The following PRR33 variants were observed in gnomAD, a reference collection of about 807,000 sequenced individuals.
The protein encoded by PRR33 is proline-rich protein 33.
PRR33 carries 1 observed loss-of-function variant against 0.5 expected under a neutral mutation model. That is an observed-to-expected ratio of 2.18 (90% confidence interval 0.77 to 10.34). PRR33 has a LOEUF of 10.34. Among genes scored for constraint, PRR33 ranks in the 30% most tolerant of loss-of-function variants. The probability of loss-of-function intolerance (pLI) is 0.13; values close to 1 mark genes in which losing one functional copy is unlikely to be tolerated. For missense variants in PRR33, 552 were observed against 251.8 expected, an observed-to-expected ratio of 2.19 and a Z score of -8.07; for synonymous variants, 226 against 110.0, an observed-to-expected ratio of 2.06 and a Z score of -6.60.
rs1032629958 is a variant in PRR33, at chr11:1,890,802, A to C, written c.-218T>G. The C allele has an allele frequency of 1.7e-5, 10 of 583,082 alleles. No homozygotes were observed. The highest frequency in any genetic ancestry group is 6.0e-5 in the Admixed American group (2 of 33,364). The allele number at this position is 583,082 out of a possible 1,614,324, so 36.1% of individuals were successfully genotyped here. On this transcript the variant is annotated 5_prime_UTR_variant, in exon 1 of 1. It adds an upstream start codon to the 5' untranslated region. Coordinates refer to ENST00000640310, the Ensembl canonical transcript of PRR33. ...GGCCCCACCATCACCCTAGTGTAGA[A>C]ATGAGGCCACAGAGGCCGAGTCCCT...
chr11:1,916,059 G>A, the PRR33 span, among the ~76,000 whole-genome samples: 2 of 151,856 alleles, frequency 1.3e-5, no homozygotes, highest in Non-Finnish European at 2.9e-5. Context: ...GAGGGAGGAA[G>A]GAAGGAAAGG....
chr11:1,889,324 T>C (rs1480634948), exon 1 of PRR33: 3 of 709,694 alleles, frequency 4.2e-6, no homozygotes, highest in Non-Finnish European at 7.8e-6. Flanking sequence ...TCCCCACCGC[T>C]GGGCCCTGCC....
chr11:1,902,597 C>G, the PRR33 span: 1 of 151,910 alleles, frequency 6.6e-6, no homozygotes, highest in Non-Finnish European at 1.5e-5. Context: ...CAGGGTGTTG[C>G]TCTGTCACCC....
chr11:1,907,562 C>G, the PRR33 span, among the ~76,000 whole-genome samples: 1 of 152,168 alleles, frequency 6.6e-6, no homozygotes, highest in African/African-American at 2.4e-5. Flanking sequence ...CAGACTCCCG[C>G]CACCATGCCC....
the PRR33 span, among the ~76,000 whole-genome samples, chr11:1,900,367 T>C: frequency 6.6e-6 from 1 of 152,216 alleles, no homozygotes; most frequent in African/African-American, 2.4e-5. Flanking sequence ...GTTTTCTTGG[T>C]ATTCAATTAA....
the PRR33 span, among the ~76,000 whole-genome samples, chr11:1,900,177 A>G: frequency 3.9e-5 from 6 of 152,150 alleles, no homozygotes; most frequent in African/African-American, 1.4e-4. Context: ...CCATGTGTCC[A>G]TGCTTGATGC....
chr11:1,910,951 A>G, the PRR33 span, among the ~76,000 whole-genome samples: 3 of 152,130 alleles, frequency 2.0e-5, no homozygotes, highest in Non-Finnish European at 4.4e-5. Context: ...CCTTCTTTTT[A>G]GATAGTGAAA....
At chr11:1,895,136 T>C (rs1428796726), upstream of PRR33, among the ~76,000 whole-genome samples, 1 of 152,138 alleles carries the variant, frequency 6.6e-6, no homozygotes, top group Non-Finnish European at 1.5e-5. Context: ...AGTTCTTTCT[T>C]TCTTTTTTTT....
the PRR33 span, among the ~76,000 whole-genome samples, chr11:1,896,960 C>G: frequency 6.6e-6 from 1 of 152,180 alleles, no homozygotes; most frequent in Non-Finnish European, 1.5e-5. Flanking sequence ...GGGGCAGCCC[C>G]CAAACCAAAA....
the PRR33 span, among the ~76,000 whole-genome samples, chr11:1,916,423 C>T: frequency 3.1e-4 from 47 of 152,230 alleles, no homozygotes; most frequent in South Asian, 8.3e-3. Flanking sequence ...TGACGTGCCC[C>T]CATCCTTTCT....
At chr11:1,890,729 C>T in exon 1 of PRR33, 1 of 604,906 alleles carries the variant, frequency 1.7e-6, no homozygotes, top group Non-Finnish European at 2.9e-6. Context: ...GCACCCAGAA[C>T]CTGCCAGGGA....
exon 1 of PRR33, chr11:1,889,771 G>T (rs1848912783): frequency 9.2e-6 from 6 of 649,110 alleles, no homozygotes; most frequent in South Asian, 8.7e-5. Flanking sequence ...CGGCAGGTCG[G>T]GGCTATGGGC....
chr11:1,902,380 G>C, the PRR33 span, among the ~76,000 whole-genome samples: 338 of 152,254 alleles, frequency 2.2e-3, 1 homozygote, highest in African/African-American at 6.9e-3. Flanking sequence ...CCTCGGCCTG[G>C]GCTCAGCGTG....
chr11:1,898,629 C>A, the PRR33 span, among the ~76,000 whole-genome samples: 2 of 152,150 alleles, frequency 1.3e-5, no homozygotes, highest in South Asian at 2.1e-4. Flanking sequence ...AAGCTCCTGC[C>A]AGAGTTCTCT....
At chr11:1,896,045 T>C (rs1160234580), upstream of PRR33, among the ~76,000 whole-genome samples, 1 of 152,254 alleles carries the variant, frequency 6.6e-6, no homozygotes, top group African/African-American at 2.4e-5. Flanking sequence ...AGCTGATTTC[T>C]GGACCGTTTT....
chr11:1,889,580 C>T lies in PRR33; in HGVS notation c.1005G>A (p.Lys335=), dbSNP rs1050007110. Residue 335 remains lysine, a synonymous_variant, in exon 1 of 1, where the codon AAG becomes AAA. Transcript: ENST00000640310. Reference sequence around the variant, plus strand: ...GCCACGTCCAGCCACTGAGCCGGGGCTTGGGTGCAACTTTGGGGACAGGGC... The same window carrying T: ...GCCACGTCCAGCCACTGAGCCGGGGTTTGGGTGCAACTTTGGGGACAGGGC... The T allele has an allele frequency of 9.8e-6, 6 of 612,350 alleles. No homozygotes were observed. The Admixed American group carries it at 1.8e-4, about 18-fold the overall frequency. The allele number at this position is 612,350 out of a possible 1,614,324, so 37.9% of individuals were successfully genotyped here.
At chr11:1,910,528 G>T in the PRR33 span, among the ~76,000 whole-genome samples, 2 of 152,204 alleles carry the variant, frequency 1.3e-5, no homozygotes, top group Non-Finnish European at 2.9e-5. Context: ...GATTACAGGC[G>T]TGAGCCACCG....
At chr11:1,897,219 G>T in the PRR33 span, among the ~76,000 whole-genome samples, 1 of 152,216 alleles carries the variant, frequency 6.6e-6, no homozygotes, top group African/African-American at 2.4e-5. This position sits in a 1 kb window ranked among gnomAD's most constrained non-coding sequence, Gnocchi z 4.0. Flanking sequence ...GATGGAGAAG[G>T]CGGAACATAA....
At chr11:1,906,796 C>T in the PRR33 span, among the ~76,000 whole-genome samples, 6 of 152,190 alleles carry the variant, frequency 3.9e-5, no homozygotes, top group East Asian at 1.9e-4. Flanking sequence ...TGTGCTTTCC[C>T]GCCTTGGGAC....
Sources: allele counts gnomAD v4.1 joint callset (sites outside exome capture counted in the v4.1 genomes callset), GRCh38; gene constraint gnomAD v4.1.1; non-coding constraint Gnocchi (gnomAD v3.1); transcripts MANE v1.5; gene names NCBI Gene and HGNC (gene_info 2026-07-23, HGNC 2026-07-21).